The following ACHE variants were observed in gnomAD, a reference collection of about 807,000 sequenced individuals.
ACHE encodes acetylcholinesterase.
A neutral mutation model predicts 53.9 loss-of-function variants in ACHE; 19 were observed. The ratio of observed to expected loss-of-function variants is 0.35; its 90% CI spans 0.25 to 0.52. ACHE has a LOEUF of 0.52. ACHE is among the 20% of genes least tolerant of loss of function. ACHE has a pLI of 0.95. For synonymous variants in ACHE, 392 were observed against 378.1 expected (o/e 1.04, Z -0.43); for missense variants, 605 against 849.4 (o/e 0.71, Z 3.58).
At chr7:100,894,643 G>C (rs1156279451) in intron 1 of ACHE, among the ~76,000 whole-genome samples, 4 of 112,154 alleles carry the variant, frequency 3.6e-5, no homozygotes, top group Non-Finnish European at 7.3e-5. Context: ...GGGCAGCGCC[G>C]CTGGGGGAGC....
chr7:100,894,221 C>G lies in ACHE; in HGVS notation c.12G>C (p.Pro4=). 6.9e-7 allele frequency: 1 copy of G among 1,447,040 alleles called. No individual in the cohort carries two copies. Among genetic ancestry groups the G allele is most frequent in the Non-Finnish European group, 9.1e-7 (1 of 1,104,830 alleles). The allele number at this position is 1,447,040 out of a possible 1,614,324, so 89.6% of individuals were successfully genotyped here. The change falls in exon 2 of 5, where the codon CCG becomes CCC. Residue 4 remains proline, a synonymous_variant. Transcript: ENST00000241069. MRP[P]QCLLHTPSLA... Reference sequence around the variant, plus strand: ...GGGAAGGCGTGTGCAGCAGACACTGCGGGGGCCTCATGGCTGCAGGGCAGG... The same window carrying G: ...GGGAAGGCGTGTGCAGCAGACACTGGGGGGGCCTCATGGCTGCAGGGCAGG...
Position 100,893,438 on chromosome 7 carries a change from T to G in ACHE, c.795A>C (p.Gly265=), listed in dbSNP as rs1346284027. Residue 265 remains glycine (G), a synonymous_variant, in exon 2 of 5, where the codon GGA becomes GGC. Coordinates refer to ENST00000241069, the MANE Select transcript of ACHE (RefSeq NM_000665.5). ...RAVLQSGAPN[G]PWATVGMGEA... is the part of the protein sequence containing the mutation. ...CTCCCATGCCCACCGTGGCCCAGGGTCCATTGGGGGCACCGCTCTGCAGCA... is the reference window on the plus strand; with the variant it reads ...CTCCCATGCCCACCGTGGCCCAGGGGCCATTGGGGGCACCGCTCTGCAGCA... 27 of 1,608,882 alleles carry G rather than the reference T, an allele frequency of 1.7e-5. No homozygotes were observed. Among genetic ancestry groups the G allele is most frequent in the Non-Finnish European group, 2.1e-5 (25 of 1,179,266 alleles).
Position 100,894,291 on chromosome 7 carries a change from C to G in ACHE, c.-20-39G>C, listed in dbSNP as rs755365444. On this transcript the variant is annotated intron_variant, in intron 1 of 4. Transcript: ENST00000241069. Reference sequence around the variant, plus strand: ...GAAAGGGAAAGGGTGAAGGGTCGGTCGAGAAGCCAGGAGGGAGGAGATTAG... The same window carrying G: ...GAAAGGGAAAGGGTGAAGGGTCGGTGGAGAAGCCAGGAGGGAGGAGATTAG... 5.9e-6 allele frequency: 8 copies of G among 1,364,572 alleles called. No individual in the cohort carries two copies. The South Asian group carries it at 9.9e-5, about 17-fold the overall frequency. The allele number at this position is 1,364,572 out of a possible 1,614,324, so 84.5% of individuals were successfully genotyped here.
intron 1 of ACHE, among the ~76,000 whole-genome samples, chr7:100,895,222 G>C (rs949311926): frequency 6.6e-6 from 1 of 152,148 alleles, no homozygotes; most frequent in Non-Finnish European, 1.5e-5. Flanking sequence ...CTCTCCCGCC[G>C]GTCACTCCTA....
intron 1 of ACHE, 22 bp downstream of exon 1, chr7:100,895,780 C>G (rs2116035933): frequency 6.6e-6 from 1 of 152,160 alleles, no homozygotes; most frequent in East Asian, 1.9e-4. Flanking sequence ...AAGGAGAGTC[C>G]CGGGCGGGGA....
At chr7:100,895,047 G>C (rs903555243) in intron 1 of ACHE, among the ~76,000 whole-genome samples, 3 of 151,872 alleles carry the variant, frequency 2.0e-5, no homozygotes, top group Non-Finnish European at 4.4e-5. Flanking sequence ...CTGGGGGCTC[G>C]AGGGCCTTGC....
In ACHE at chr7:100,890,345, G is replaced by A. The variant is rs1584768999; in HGVS notation, c.1724-10C>T. ...GCCTCGTCGAGCGTGTCTGCGGCCA[G>A]GGCGCCCAGCGAGGCGGGAGGGGAG... On this transcript the variant is annotated splice_polypyrimidine_tract_variant and intron_variant, in intron 4 of 4. Transcript: ENST00000241069. 1 of 1,601,970 alleles carries A rather than the reference G, an allele frequency of 6.2e-7. No homozygotes were observed. Among genetic ancestry groups the A allele is most frequent in the Non-Finnish European group, 8.5e-7 (1 of 1,174,066 alleles).
At position 100,890,165 on chromosome 7, in the gene ACHE, T is replaced by C; in HGVS notation, c.*49A>G. ...GCCCAGCCCTGAAATAAATAGTATA[T>C]ACAGCTAGGGGGCCGGGCGGAGCGG... On this transcript the variant is annotated 3_prime_UTR_variant, in exon 5 of 5. Coordinates refer to ENST00000241069, the MANE Select transcript of ACHE (RefSeq NM_000665.5). 6.2e-7 allele frequency: 1 copy of C among 1,607,818 alleles called. No individual in the cohort carries two copies. The highest frequency in any genetic ancestry group is 8.5e-7 in the Non-Finnish European group (1 of 1,175,546).
At chr7:100,890,639 T>G in intron 4 of ACHE, 1 of 1,375,912 alleles carries the variant, frequency 7.3e-7, no homozygotes, top group Non-Finnish European at 9.4e-7. Flanking sequence ...GAGACAGAAA[T>G]GGTTGACCGT....
At chr7:100,896,602 C>A, upstream of ACHE, 1 of 268,218 alleles carries the variant, frequency 3.7e-6, no homozygotes, top group Non-Finnish European at 8.0e-6. Context: ...CTGGGCGAGG[C>A]CGCACTCCGC....
intron 1 of ACHE, among the ~76,000 whole-genome samples, chr7:100,894,660 C>T (rs1251230443): frequency 0.038 from 1 of 26 alleles, no homozygotes; most frequent in Non-Finnish European, 0.083. Context: ...GAGCTTGCGG[C>T]GGCCTGAAGC....
At chr7:100,891,088 G>A (rs770891615) in intron 4 of ACHE, 81 bp downstream of exon 4, 1 of 1,535,064 alleles carries the variant, frequency 6.5e-7, no homozygotes, top group Non-Finnish European at 8.8e-7. Context: ...AGCCTCCGAG[G>A]CTAGGGGGAG....
rs761313292 is a variant in ACHE at position 100,892,617 on chromosome 7, G to A, written c.1270C>T (p.Arg424Cys). The A allele has an allele frequency of 8.1e-6, 13 of 1,613,314 alleles. No individual in the cohort carries two copies. Among genetic ancestry groups the A allele is most frequent in the East Asian group, 2.2e-5 (1 of 44,862 alleles). Residue 424 changes from arginine (R) to cysteine (C), a missense_variant, in exon 3 of 5, where the codon CGC (arginine) becomes TGC (cysteine). Physicochemically the swap from Arg to Cys is radical, Grantham distance 180. Coordinates refer to ENST00000241069, the MANE Select transcript of ACHE (RefSeq NM_000665.5). The surrounding 1 kb of genome is among the most constrained non-coding windows in gnomAD (Gnocchi z 5.2). Reference sequence around the variant, plus strand: ...ACATCGCTCAGGGCCTCCCTCAGGCGTGCCGGGTCCTCGGGATGCAGCCAG... The same window carrying A: ...ACATCGCTCAGGGCCTCCCTCAGGCATGCCGGGTCCTCGGGATGCAGCCAG... ...TDWLHPEDPA[R>C]LREALSDVVG...
chr7:100,890,200 G>C lies in ACHE; in HGVS notation c.*14C>G. The C allele has an allele frequency of 6.2e-7, 1 of 1,613,590 alleles. No individual in the cohort carries two copies. The highest frequency in any genetic ancestry group is 2.2e-5 in the East Asian group (1 of 44,864). On this transcript the variant is annotated 3_prime_UTR_variant, in exon 5 of 5. Coordinates refer to ENST00000241069, the MANE Select transcript of ACHE (RefSeq NM_000665.5). ...GGGCCGGGCGGAGCGGAGGACATGG[G>C]GGTCCCGCCGGGGTCACAGGTCTGA...
In ACHE at chr7:100,894,252, T is replaced by G; in HGVS notation, c.-20A>C. The G allele has an allele frequency of 7.1e-7, 1 of 1,417,570 alleles. No individual in the cohort carries two copies. The highest frequency in any genetic ancestry group is 9.2e-7 in the Non-Finnish European group (1 of 1,089,344). 87.8% of individuals were successfully genotyped at this position (1,417,570 alleles called of 1,614,324 possible). A position where few individuals can be genotyped will look rare whatever the true frequency, so the allele number is the denominator to read the frequency against. ...CCTCATGGCTGCAGGGCAGGCGGCG[T>G]CTGCTGGGAGAAAGAAAGGGAAAGG... On this transcript the variant is annotated splice_region_variant and 5_prime_UTR_variant, in exon 2 of 5. Transcript: ENST00000241069.
chr7:100,891,008 G>C lies in ACHE; in HGVS notation c.1723+161C>G, dbSNP rs1435116862. ...AAGAGGAGGAGAAGCTGGTGGAGGAGGAGGAGGGGCAGGGGGAGGCCGGGC... is the reference window on the plus strand; with the variant it reads ...AAGAGGAGGAGAAGCTGGTGGAGGACGAGGAGGGGCAGGGGGAGGCCGGGC... On this transcript the variant is annotated intron_variant, in intron 4 of 4. Transcript: ENST00000241069. 8.9e-6 allele frequency: 13 copies of C among 1,457,502 alleles called. 1 individual carries two copies. The Admixed American group carries it at 3.4e-4, about 38-fold the overall frequency. The allele number at this position is 1,457,502 out of a possible 1,614,324, so 90.3% of individuals were successfully genotyped here.
At chr7:100,893,087 T>C in intron 2 of ACHE, 78 bp downstream of exon 2, 2 of 1,462,160 alleles carry the variant, frequency 1.4e-6, no homozygotes, top group Admixed American at 1.9e-5. Context: ...GAAGCCCTCA[T>C]GCCTGGGTCC....
Position 100,893,249 on chromosome 7 carries a change from G to A in ACHE, c.984C>T (p.Phe328=). 1.2e-6 allele frequency: 2 copies of A among 1,614,132 alleles called. No individual in the cohort carries two copies. The highest frequency in any genetic ancestry group is 1.7e-6 in the Non-Finnish European group (2 of 1,180,032). The change falls in exon 2 of 5, where the codon TTC becomes TTT. Residue 328 remains phenylalanine, a synonymous_variant. Coordinates refer to ENST00000241069, the MANE Select transcript of ACHE (RefSeq NM_000665.5). ...CTCCATCTACCACAGGCACGAAGGA[G>A]AACCGGAAGACGCTTTCTTGAGGCA... The part of the protein sequence containing the change: ...HVLPQESVFR[F]SFVPVVDGDF...
rs898032819 is a variant in ACHE, at chr7:100,894,265, A to G, written c.-20-13T>C. 2.1e-6 allele frequency: 3 copies of G among 1,416,142 alleles called. No individual in the cohort carries two copies. In the Admixed American group the frequency reaches 9.2e-5, roughly 43 times the overall value. The allele number at this position is 1,416,142 out of a possible 1,614,324, so 87.7% of individuals were successfully genotyped here. On this transcript the variant is annotated splice_polypyrimidine_tract_variant and intron_variant, in intron 1 of 4. Coordinates refer to ENST00000241069, the MANE Select transcript of ACHE (RefSeq NM_000665.5). ...GGGCAGGCGGCGTCTGCTGGGAGAA[A>G]GAAAGGGAAAGGGTGAAGGGTCGGT...
Sources: gnomAD v4.1 joint callset for allele counts (sites outside exome capture counted in the v4.1 genomes callset) on GRCh38, gnomAD v4.1.1 for gene constraint, Gnocchi (gnomAD v3.1) non-coding constraint, MANE v1.5 for transcripts, NCBI Gene and HGNC (gene_info 2026-07-23, HGNC 2026-07-21) for gene names.